GRIN2B: variants seen among roughly 807,000 people sequenced by gnomAD.
GRIN2B encodes glutamate ionotropic receptor NMDA type subunit 2B, also known as glutamate receptor ionotropic, NMDA 2B.
GRIN2B carries 5 observed loss-of-function variants against 114.5 expected under a neutral mutation model. The ratio of observed to expected loss-of-function variants is 0.04; its 90% CI spans 0.02 to 0.09. GRIN2B has a LOEUF of 0.09. GRIN2B is among the 10% of genes least tolerant of loss of function. The pLI is 1.00. For missense variants in GRIN2B, 1,108 were observed against 1,943.5 expected, an observed-to-expected ratio of 0.57 and a Z score of 8.08; for synonymous variants, 787 against 745.1, an observed-to-expected ratio of 1.06 and a Z score of -0.92.
intron 3 of GRIN2B, among the ~76,000 whole-genome samples, chr12:13,769,744 C>T (rs190033703): frequency 9.8e-5 from 15 of 152,318 alleles, no homozygotes; most frequent in Admixed American, 7.2e-4. Context: ...TGCTTACAAA[C>T]GTGCCCCCCA....
Position 13,634,458 on chromosome 12 carries a change from A to G in GRIN2B, c.1126-17801T>C, listed in dbSNP as rs528356096. 3.5e-4 allele frequency among the ~76,000 whole-genome samples: 53 copies of G among 152,212 alleles called. 1 individual carries two copies. The East Asian group carries it at 4.8e-3, about 14-fold the overall frequency. On this transcript the variant is annotated intron_variant, in intron 5 of 13. Coordinates refer to ENST00000609686, the MANE Select transcript of GRIN2B (RefSeq NM_000834.5). ...GATTTGGGAACCCAAGCCAATGGAG[A>G]CTCTGCCATCTTCAACAGGAGTCTT... is the stretch of plus-strand genomic sequence containing the variant.
rs201966022 is a variant in GRIN2B, at chr12:13,865,934, C to T, written c.275G>A (p.Arg92Gln). ...ITRICDLMSD[R>Q]KIQGVVFADD... The stretch of plus-strand genomic sequence containing the variant: ...AGCAAACACCACCCCCTGGATCTTC[C>T]GGTCAGACATGAGATCACAGATGCG... Residue 92 changes from arginine (R) to glutamine (Q), a missense_variant, in exon 3 of 14, where the codon CGG (arginine) becomes CAG (glutamine). Arg to Gln is a conservative substitution (Grantham distance 43, BLOSUM62 1). Around this residue, in one of 19 missense-constraint regions of GRIN2B, gnomAD observed 199 missense variants for 439.6 expected, o/e 0.45. Transcript: ENST00000609686. 36 of 1,613,918 alleles carry T rather than the reference C, an allele frequency of 2.2e-5. No homozygotes were observed. The highest frequency in any genetic ancestry group is 2.1e-5 in the Non-Finnish European group (25 of 1,179,980).
intron 2 of GRIN2B, among the ~76,000 whole-genome samples, chr12:13,899,358 G>A (rs1021831532): frequency 6.6e-6 from 1 of 152,032 alleles, no homozygotes; most frequent in African/African-American, 2.4e-5. Flanking sequence ...ATAAAAATAA[G>A]ACAAGACACT....
At chr12:13,628,199 G>C (rs1949587554) in intron 5 of GRIN2B, among the ~76,000 whole-genome samples, 1 of 152,158 alleles carries the variant, frequency 6.6e-6, no homozygotes, top group African/African-American at 2.4e-5. Flanking sequence ...TGTGTGCCTT[G>C]GGCCTGCCAT....
chr12:13,962,089 T>TACACACACACACAC (rs143658576), intron 2 of GRIN2B, among the ~76,000 whole-genome samples: 6,774 of 145,254 alleles, frequency 0.047, 222 homozygotes, highest in Non-Finnish European at 0.068. Context: ...CTCTCATACA[T>TACACACACACACAC]ACACACACAC....
chr12:13,599,177 C>G (rs1591631706), intron 10 of GRIN2B, among the ~76,000 whole-genome samples: 1 of 152,182 alleles, frequency 6.6e-6, no homozygotes, highest in Admixed American at 6.5e-5. Flanking sequence ...CTTTAAATGG[C>G]TCTCTGTGAC....
At chr12:13,686,729 C>G (rs538490190) in intron 4 of GRIN2B, among the ~76,000 whole-genome samples, 2 of 152,258 alleles carry the variant, frequency 1.3e-5, no homozygotes, top group South Asian at 4.1e-4. Flanking sequence ...GCTTTTGCCT[C>G]TCTTTTCTAC....
intron 2 of GRIN2B, among the ~76,000 whole-genome samples, chr12:13,890,900 CA>C (rs1866249485): frequency 6.6e-6 from 1 of 152,154 alleles, no homozygotes; most frequent in Admixed American, 6.5e-5. Context: ...TTTGAGGCTG[CA>C]AAGTCCAGTG....
intron 5 of GRIN2B, among the ~76,000 whole-genome samples, chr12:13,629,816 A>G (rs1016483066): frequency 2.0e-5 from 3 of 152,006 alleles, no homozygotes; most frequent in African/African-American, 7.2e-5. Context: ...TCATGCCAAA[A>G]TCCTCTATTT....
chr12:13,931,192 T>C (rs1867024621), intron 2 of GRIN2B, among the ~76,000 whole-genome samples: 1 of 152,210 alleles, frequency 6.6e-6, no homozygotes. Flanking sequence ...TATTTCCTAA[T>C]ACTTGCAGAA....
chr12:13,845,216 C>T (rs1318876699), intron 3 of GRIN2B, among the ~76,000 whole-genome samples: 2 of 152,122 alleles, frequency 1.3e-5, no homozygotes, highest in East Asian at 3.8e-4. Context: ...ATTTTCTTTC[C>T]ATCTGTCTGC....
rs1042914988 is a variant in GRIN2B, at chr12:13,686,832, CA to C, written c.1011-10974del. ...TCCAAGCAAGGATGTGTGTCCCCTC[CA>C]AACCTCATGTTGAAATTTGAACCCC... On this transcript the variant is annotated intron_variant, in intron 4 of 13. Transcript: ENST00000609686. Among the ~76,000 whole-genome samples, 20 of 152,280 alleles carry C rather than the reference CA, an allele frequency of 1.3e-4. 1 individual carries two copies. In the East Asian group the frequency reaches 3.3e-3, roughly 25 times the overall value.
At chr12:13,968,851 A>C (rs985944798) in intron 2 of GRIN2B, among the ~76,000 whole-genome samples, 3 of 152,238 alleles carry the variant, frequency 2.0e-5, no homozygotes, top group Admixed American at 2.0e-4. Context: ...ATTCTCTTGC[A>C]CTTAACCATT....
At chr12:13,979,364 C>G (rs1161344400) in intron 2 of GRIN2B, among the ~76,000 whole-genome samples, 1 of 151,884 alleles carries the variant, frequency 6.6e-6, no homozygotes, top group Non-Finnish European at 1.5e-5. Flanking sequence ...TCTCTGGGCC[C>G]CTTGTCAACC....
At position 13,563,654 on chromosome 12, in the gene GRIN2B, G is replaced by T; in HGVS notation, c.3584C>A (p.Ala1195Glu). The stretch of plus-strand genomic sequence containing the variant: ...GTTGGTCAGGTTCTTCTCCCAAGGT[G>T]CAGGTACCCCGCTGACCACGCCGTG... The part of the protein sequence containing the change: ...DKHGVVSGVP[A>E]PWEKNLTNVE... Residue 1195 changes from alanine (A) to glutamate (E), a missense_variant, in exon 14 of 14, where the codon GCA becomes GAA. Physicochemically the swap from Ala to Glu is moderately radical, Grantham distance 107 (BLOSUM62 -1). Coordinates refer to ENST00000609686, the MANE Select transcript of GRIN2B (RefSeq NM_000834.5). The T allele has an allele frequency of 6.2e-7, 1 of 1,613,756 alleles. No homozygotes were observed. Among genetic ancestry groups the T allele is most frequent in the Non-Finnish European group, 8.5e-7 (1 of 1,180,038 alleles).
chr12:13,575,412 A>G (rs575022591), intron 10 of GRIN2B, among the ~76,000 whole-genome samples: 2 of 152,314 alleles, frequency 1.3e-5, no homozygotes, highest in Admixed American at 1.3e-4. Context: ...TAATCCCAGC[A>G]CTTTGGAAAG....
Position 13,621,622 on chromosome 12 carries a change from T to G in GRIN2B, c.1126-4965A>C, listed in dbSNP as rs1048974622. On this transcript the variant is annotated intron_variant, in intron 5 of 13. Transcript: ENST00000609686. ...AAATTGCCTAGTTTTTGTTTTTTTTTTTTTTTTTTTTTTTTTTTCAGAAAA... is the reference window on the plus strand; with the variant it reads ...AAATTGCCTAGTTTTTGTTTTTTTTGTTTTTTTTTTTTTTTTTTCAGAAAA... 3.0e-3 allele frequency among the ~76,000 whole-genome samples: 403 copies of G among 135,802 alleles called. 7 individuals carry two copies. The highest frequency in any genetic ancestry group is 0.017 in the East Asian group (69 of 4,064). The allele number at this position is 135,802 out of a possible 152,430, so 89.1% of individuals were successfully genotyped here. A position where few individuals can be genotyped will look rare whatever the true frequency, so the allele number is the denominator to read the frequency against.
rs191889626 is a variant in GRIN2B, at chr12:13,735,981, A to G, written c.1010+17336T>C. ...CAGACATAGCATGTGTGTCCTTTAC[A>G]CGGGATTCAGAAGATTTCCAAGGCT... On this transcript the variant is annotated intron_variant, in intron 4 of 13. Transcript: ENST00000609686. 2.2e-3 allele frequency among the ~76,000 whole-genome samples: 337 copies of G among 151,908 alleles called. 1 individual carries two copies. Among genetic ancestry groups the G allele is most frequent in the African/African-American group, 7.5e-3 (310 of 41,420 alleles).
At chr12:13,694,667 A>ATATT (rs1950244281) in intron 4 of GRIN2B, among the ~76,000 whole-genome samples, 1 of 59,968 alleles carries the variant, frequency 1.7e-5, no homozygotes, top group African/African-American at 4.4e-5. Flanking sequence ...ATATATATAT[A>ATATT]TATATATATA....
Sources: gnomAD v4.1 joint callset for allele counts (sites outside exome capture counted in the v4.1 genomes callset) on GRCh38, gnomAD v4.1.1 for gene constraint, gnomAD v4.1.1 regional missense constraint, MANE v1.5 for transcripts, NCBI Gene and HGNC (gene_info 2026-07-23, HGNC 2026-07-21) for gene names.